Variants in BCAS3 observed in about 807,000 individuals in gnomAD.
BCAS3 encodes BCAS4/BCAS3 fusion.
A neutral mutation model predicts 116.1 loss-of-function variants in BCAS3; 53 were observed. That is an observed-to-expected ratio of 0.46 (90% CI 0.37 to 0.57). The LOEUF is 0.57. BCAS3 is among the 20% of genes least tolerant of loss of function. The pLI is 0.00. For missense variants in BCAS3, 917 were observed against 1,165.4 expected (o/e 0.79, Z 3.10); for synonymous variants, 391 against 408.2 (o/e 0.96, Z 0.51).
chr17:60,839,266 GTCTT>G (rs1444597837), intron 7 of BCAS3, among the ~76,000 whole-genome samples: 5 of 152,064 alleles, frequency 3.3e-5, no homozygotes, highest in Non-Finnish European at 5.9e-5. Flanking sequence ...CTTAAAGATA[GTCTT>G]TCTAACACAT....
At chr17:60,695,204 T>G (rs1434830524) in intron 4 of BCAS3, among the ~76,000 whole-genome samples, 2 of 146,654 alleles carry the variant, frequency 1.4e-5, no homozygotes, top group East Asian at 2.0e-4. Context: ...CACTGAAACC[T>G]CCATCTCCCA....
intron 14 of BCAS3, among the ~76,000 whole-genome samples, chr17:60,974,320 G>C (rs2062159270): frequency 6.6e-6 from 1 of 152,024 alleles, no homozygotes; most frequent in Non-Finnish European, 1.5e-5. Flanking sequence ...CAATCCTCTT[G>C]TTTCATATGT....
At chr17:60,887,304 C>A (rs1400612819) in intron 9 of BCAS3, 2 of 126,268 alleles carry the variant, frequency 1.6e-5, no homozygotes, top group Admixed American at 7.0e-5. Context: ...TGCTTCGGCT[C>A]GCGCACGGTG....
In BCAS3 at chr17:61,068,900, C is replaced by T. The variant is rs573390745; in HGVS notation, c.2030-6020C>T. On this transcript the variant is annotated intron_variant, in intron 19 of 23. Transcript: ENST00000407086. The surrounding 1 kb of genome is among the most constrained non-coding windows in gnomAD (Gnocchi z 4.3). ...TTTCCATGTGAACAGGTATGTCATT[C>T]CTTCCCAAGGTAGTAAACATAGAAT... is the stretch of plus-strand genomic sequence containing the variant. Among the ~76,000 whole-genome samples the T allele has an allele frequency of 2.4e-4, 36 of 152,244 alleles. No individual in the cohort carries two copies. The South Asian group carries it at 7.5e-3, about 32-fold the overall frequency.
At chr17:60,954,516 G>A (rs111670204) in intron 14 of BCAS3, among the ~76,000 whole-genome samples, 6 of 152,140 alleles carry the variant, frequency 3.9e-5, no homozygotes, top group African/African-American at 1.4e-4. Flanking sequence ...GGTAATCTTA[G>A]CCTTTAGCAT....
chr17:61,303,462 G>A (rs4119153), intron 22 of BCAS3, among the ~76,000 whole-genome samples: 149,887 of 152,254 alleles, frequency 0.98, 73,819 homozygotes, highest in Middle Eastern at 1. Context: ...ACTGATCTAG[G>A]TTCAGCTCCA....
rs1281831073 is a variant in BCAS3 at position 61,019,235 on chromosome 17, C to G, written c.1637+3334C>G. On this transcript the variant is annotated intron_variant, in intron 16 of 23. Coordinates refer to ENST00000407086, the MANE Select transcript of BCAS3 (RefSeq NM_017679.5). The surrounding 1 kb of genome is among the most constrained non-coding windows in gnomAD (Gnocchi z 5.6). ...TTAGATTCTCGTTAAGAGTGCAAAC[C>G]CTATTGTTGTGAACTACACATGTGA... Among the ~76,000 whole-genome samples, 1 of 152,100 alleles carries G rather than the reference C, an allele frequency of 6.6e-6. No homozygotes were observed. Among genetic ancestry groups the G allele is most frequent in the African/African-American group, 2.4e-5 (1 of 41,432 alleles).
In BCAS3 at chr17:61,339,431, C is replaced by A. The variant is rs530908423; in HGVS notation, c.2426-28896C>A. ...CTTGGCATTCTATTCCTTTCTTGACCAGACCAAGGCTTTGCAGGTAAACTA... is the reference window on the plus strand; with the variant it reads ...CTTGGCATTCTATTCCTTTCTTGACAAGACCAAGGCTTTGCAGGTAAACTA... On this transcript the variant is annotated intron_variant, in intron 22 of 23. Transcript: ENST00000407086. This position sits in a 1 kb window ranked among gnomAD's most constrained non-coding sequence, Gnocchi z 4.4. Among the ~76,000 whole-genome samples, 35 of 152,284 alleles carry A rather than the reference C, an allele frequency of 2.3e-4. No homozygotes were observed. The highest frequency in any genetic ancestry group is 4.7e-4 in the Non-Finnish European group (32 of 68,026).
rs761954083 is a variant in BCAS3 at position 61,026,171 on chromosome 17, A to G, written c.1638-8495A>G. On this transcript the variant is annotated intron_variant, in intron 16 of 23. Transcript: ENST00000407086. The surrounding 1 kb of genome is among the most constrained non-coding windows in gnomAD (Gnocchi z 5.0). ...AGTCCCAGTTTCCCAGTTGTATTTA[A>G]AACAAGTGATTGTAGCTTTAGTTTG... Among the ~76,000 whole-genome samples the G allele has an allele frequency of 4.6e-5, 7 of 152,072 alleles. No individual in the cohort carries two copies. Among genetic ancestry groups the G allele is most frequent in the Non-Finnish European group, 8.8e-5 (6 of 67,952 alleles).
intron 14 of BCAS3, among the ~76,000 whole-genome samples, chr17:60,957,643 T>A (rs75949068): frequency 1.1e-3 from 162 of 152,332 alleles, no homozygotes; most frequent in African/African-American, 3.6e-3. Context: ...ATTTTTGTAA[T>A]CCTTAAACCA....
In BCAS3 at chr17:60,718,272, T is replaced by C. The variant is rs77530569; in HGVS notation, c.321+8947T>C. On this transcript the variant is annotated intron_variant, in intron 5 of 23. Coordinates refer to ENST00000407086, the MANE Select transcript of BCAS3 (RefSeq NM_017679.5). ...ACTATACTTTTTTTTTTCCAGTTTT[T>C]TTTTCAGGCAACCCTCAGAACCAGA... Among the ~76,000 whole-genome samples, 3 of 152,120 alleles carry C rather than the reference T, an allele frequency of 2.0e-5. No individual in the cohort carries two copies. In the East Asian group the frequency reaches 5.8e-4, roughly 29 times the overall value.
chr17:60,715,541 T>C (rs1410057264), intron 5 of BCAS3, among the ~76,000 whole-genome samples: 1 of 152,138 alleles, frequency 6.6e-6, no homozygotes, highest in Non-Finnish European at 1.5e-5. Flanking sequence ...CAGGCTAGAG[T>C]GCAGTAGCGC....
intron 13 of BCAS3, among the ~76,000 whole-genome samples, chr17:60,926,655 C>T (rs1360724158): frequency 5.3e-5 from 8 of 152,220 alleles, no homozygotes; most frequent in Middle Eastern, 3.4e-3. Context: ...TTGGAATGAC[C>T]GGTATGACTC....
intron 7 of BCAS3, among the ~76,000 whole-genome samples, chr17:60,852,509 A>G (rs1182589760): frequency 6.6e-6 from 1 of 152,230 alleles, no homozygotes; most frequent in East Asian, 1.9e-4. Context: ...TTTAAGCTGG[A>G]AAGTCACTGG....
Position 61,029,298 on chromosome 17 carries a change from C to G in BCAS3, c.1638-5368C>G, listed in dbSNP as rs981091561. Among the ~76,000 whole-genome samples, 13 of 151,888 alleles carry G rather than the reference C, an allele frequency of 8.6e-5. No homozygotes were observed. The highest frequency in any genetic ancestry group is 3.1e-4 in the African/African-American group (13 of 41,416). ...AGGTTTAGTCCTTTACATTCATATA[C>G]TTTCAGATGAGTCGTTATAAAATAC... On this transcript the variant is annotated intron_variant, in intron 16 of 23. Transcript: ENST00000407086. The surrounding 1 kb of genome is among the most constrained non-coding windows in gnomAD (Gnocchi z 5.2).
chr17:60,711,462 AGT>A (rs2037919730), intron 5 of BCAS3, among the ~76,000 whole-genome samples: 2 of 145,976 alleles, frequency 1.4e-5, no homozygotes, highest in African/African-American at 5.6e-5. Context: ...GTTTGTTGAC[AGT>A]ACTGAAGACA....
At chr17:60,725,809 A>G (rs1314595252) in intron 5 of BCAS3, among the ~76,000 whole-genome samples, 2 of 152,194 alleles carry the variant, frequency 1.3e-5, no homozygotes, top group Non-Finnish European at 2.9e-5. Flanking sequence ...AGAGCCCCCA[A>G]AGAATGACAG....
At chr17:60,831,558 T>C (rs1467394264) in intron 7 of BCAS3, among the ~76,000 whole-genome samples, 2 of 152,246 alleles carry the variant, frequency 1.3e-5, no homozygotes, top group Admixed American at 6.5e-5. Context: ...TTTTCATTTA[T>C]ATAATTTTAT....
At chr17:61,335,321 A>G (rs756054893) in intron 22 of BCAS3, among the ~76,000 whole-genome samples, 2 of 152,186 alleles carry the variant, frequency 1.3e-5, no homozygotes, top group African/African-American at 2.4e-5. Flanking sequence ...CAATGTGTCT[A>G]TAGTCAAGGT....
Sources: gnomAD v4.1 joint callset for allele counts (sites outside exome capture counted in the v4.1 genomes callset) on GRCh38, gnomAD v4.1.1 for gene constraint, Gnocchi (gnomAD v3.1) non-coding constraint, MANE v1.5 for transcripts, NCBI Gene and HGNC (gene_info 2026-07-23, HGNC 2026-07-21) for gene names.